The following CNTNAP5 variants were observed in gnomAD, a reference collection of about 807,000 sequenced individuals.
CNTNAP5 encodes contactin-associated protein-like 5.
In CNTNAP5, 72 loss-of-function variants were observed where a neutral mutation model predicts 150.2. The observed-to-expected ratio is 0.48, with a 90% CI of 0.40 to 0.58. CNTNAP5 has a LOEUF of 0.58. CNTNAP5 is among the 20% of genes least tolerant of loss of function. CNTNAP5 has a pLI of 0.00. For missense variants in CNTNAP5, 1,636 were observed against 1,626.2 expected (o/e 1.01, Z -0.10); for synonymous variants, 672 against 619.8 (o/e 1.08, Z -1.25).
chr2:124,826,914 T>C (rs1216380596), intron 19 of CNTNAP5, among the ~76,000 whole-genome samples: 1 of 151,862 alleles, frequency 6.6e-6, no homozygotes. Context: ...ACGAAAATTT[T>C]TTTCTTTTCT....
intron 3 of CNTNAP5, among the ~76,000 whole-genome samples, chr2:124,258,081 A>G (rs1363133277): frequency 6.6e-6 from 1 of 152,140 alleles, no homozygotes; most frequent in South Asian, 2.1e-4. Context: ...AAGTGAGAAA[A>G]TGACCCATGC....
chr2:124,275,409 A>C (rs1289730153), intron 3 of CNTNAP5, among the ~76,000 whole-genome samples: 1 of 152,132 alleles, frequency 6.6e-6, no homozygotes, highest in East Asian at 1.9e-4. Context: ...AATCAGCTAC[A>C]GTCACGTGCC....
At chr2:124,265,453 T>C (rs1212893554) in intron 3 of CNTNAP5, among the ~76,000 whole-genome samples, 6 of 152,092 alleles carry the variant, frequency 3.9e-5, no homozygotes, top group African/African-American at 1.2e-4. Context: ...TTTAACATCA[T>C]CATTCCTGTC....
intron 3 of CNTNAP5, among the ~76,000 whole-genome samples, chr2:124,362,164 C>A (rs946506888): frequency 3.3e-5 from 5 of 152,220 alleles, no homozygotes; most frequent in African/African-American, 7.2e-5. Flanking sequence ...CGCCCTGCTT[C>A]GGCTGGCGCA....
At chr2:124,737,272 CA>C (rs1336715547) in intron 13 of CNTNAP5, among the ~76,000 whole-genome samples, 1 of 143,126 alleles carries the variant, frequency 7.0e-6, no homozygotes, top group Non-Finnish European at 1.5e-5. Context: ...GCCTGGGCGA[CA>C]GAGCGAGACT....
chr2:124,659,717 C>T (rs551185564), intron 13 of CNTNAP5, among the ~76,000 whole-genome samples: 9 of 152,272 alleles, frequency 5.9e-5, no homozygotes, highest in African/African-American at 2.2e-4. Context: ...AGGAGCCTAT[C>T]CCCCTACAGG....
At chr2:124,391,511 G>A (rs1691108895) in intron 3 of CNTNAP5, among the ~76,000 whole-genome samples, 1 of 152,162 alleles carries the variant, frequency 6.6e-6, no homozygotes, top group South Asian at 2.1e-4. Flanking sequence ...ATTGCCACTT[G>A]CATTGGGCAA....
At chr2:124,051,911 C>A (rs920766503) in intron 1 of CNTNAP5, among the ~76,000 whole-genome samples, 3 of 152,190 alleles carry the variant, frequency 2.0e-5, no homozygotes, top group African/African-American at 7.2e-5. Context: ...AAAGGACCAA[C>A]CCCTCCCAAA....
chr2:124,429,413 A>G (rs980146006), intron 4 of CNTNAP5, among the ~76,000 whole-genome samples: 1 of 152,242 alleles, frequency 6.6e-6, no homozygotes, highest in Non-Finnish European at 1.5e-5. Context: ...AGCATTAACT[A>G]TATTAAATAA....
intron 13 of CNTNAP5, among the ~76,000 whole-genome samples, chr2:124,692,455 T>A (rs1679318357): frequency 6.6e-6 from 1 of 152,156 alleles, no homozygotes. Context: ...ATGTATGGAC[T>A]CTGTTTTAAG....
chr2:124,426,970 C>T (rs2104787465), intron 4 of CNTNAP5, among the ~76,000 whole-genome samples: 1 of 152,170 alleles, frequency 6.6e-6, no homozygotes, highest in South Asian at 2.1e-4. Context: ...CATGATTGGC[C>T]TCTCCTTCAT....
intron 11 of CNTNAP5, among the ~76,000 whole-genome samples, chr2:124,571,635 C>T (rs908022008): frequency 7.2e-6 from 1 of 138,212 alleles, no homozygotes; most frequent in Non-Finnish European, 1.5e-5. Context: ...CAGGTTCAAG[C>T]GATTCTCCTA....
chr2:124,126,224 T>G (rs1226961792), intron 1 of CNTNAP5, among the ~76,000 whole-genome samples: 1 of 151,960 alleles, frequency 6.6e-6, no homozygotes, highest in African/African-American at 2.4e-5. Context: ...AAAAAAATGA[T>G]AAAGGGGATA....
rs1268812935 is a variant in CNTNAP5 at position 124,687,747 on chromosome 2, A to G, written c.2077+39789A>G. 2.6e-5 allele frequency among the ~76,000 whole-genome samples: 4 copies of G among 152,144 alleles called. No homozygotes were observed. The East Asian group carries it at 7.7e-4, about 29-fold the overall frequency. ...CTTTAGAACATACTTTCTCTCAGGC[A>G]AAAACCCTGATTTTAATGAATATAG... On this transcript the variant is annotated intron_variant, in intron 13 of 23. Coordinates refer to ENST00000682447, the MANE Select transcript of CNTNAP5 (RefSeq NM_001367498.1).
chr2:124,789,806 A>C, intron 17 of CNTNAP5, 96 bp from the exon 18 acceptor site: 1 of 1,124,668 alleles, frequency 8.9e-7, no homozygotes, highest in Admixed American at 2.8e-5. Flanking sequence ...TCATGACAAC[A>C]GAGAACTACT....
At chr2:124,229,985 T>C (rs931428656) in intron 2 of CNTNAP5, among the ~76,000 whole-genome samples, 3 of 152,178 alleles carry the variant, frequency 2.0e-5, no homozygotes, top group Non-Finnish European at 4.4e-5. Context: ...AATGTATTTT[T>C]TGAGATGCTT....
At chr2:124,029,350 G>A (rs1245750436) in intron 1 of CNTNAP5, among the ~76,000 whole-genome samples, 2 of 151,974 alleles carry the variant, frequency 1.3e-5, no homozygotes, top group African/African-American at 2.4e-5. Context: ...GGCATTTACA[G>A]TCACCACAAG....
At chr2:124,384,794 G>A (rs1167789055) in intron 3 of CNTNAP5, among the ~76,000 whole-genome samples, 9 of 152,118 alleles carry the variant, frequency 5.9e-5, no homozygotes, top group Non-Finnish European at 1.3e-4. Context: ...TTTCCCCAGC[G>A]TTCTAACCCG....
intron 3 of CNTNAP5, among the ~76,000 whole-genome samples, chr2:124,342,347 C>T (rs12475383): frequency 0.38 from 57,597 of 151,986 alleles, 11,081 homozygotes; most frequent in Middle Eastern, 0.4. Context: ...TAATCCTGCT[C>T]TTCTCAGTAA....
Sources: allele counts gnomAD v4.1 joint callset (sites outside exome capture counted in the v4.1 genomes callset), GRCh38; gene constraint gnomAD v4.1.1; transcripts MANE v1.5; gene names NCBI Gene and HGNC (gene_info 2026-07-23, HGNC 2026-07-21).